The following ZNF860 variants were observed in gnomAD, a reference collection of about 807,000 sequenced individuals.
The protein encoded by ZNF860 is zinc finger protein 860.
For missense variants in ZNF860, 641 were observed against 759.2 expected (o/e 0.84, Z 1.83); for synonymous variants, 206 against 248.9 (o/e 0.83, Z 1.62).
intron 1 of ZNF860, among the ~76,000 whole-genome samples, chr3:31,982,408 G>A (rs1225320714): frequency 6.6e-6 from 1 of 152,040 alleles, no homozygotes; most frequent in African/African-American, 2.4e-5. Context: ...GGTGATCTCC[G>A]TCCAAAGGAT....
rs1370371278 is a variant in ZNF860 at position 31,990,314 on chromosome 3, CCATTGCAAAT to C, written c.1241_1250del (p.Ala414GlyfsTer26). 6.2e-7 allele frequency: 1 copy of C among 1,613,800 alleles called. No individual in the cohort carries two copies. The highest frequency in any genetic ancestry group is 1.3e-5 in the African/African-American group (1 of 74,826). On this transcript the variant is annotated frameshift_variant, in exon 2 of 2. Transcript: ENST00000360311. LOFTEE classifies it low-confidence loss of function (END_TRUNC). ...CACAAAGTCTTCAGTAATGCTACAA[CCATTGCAAAT>C]CATTGGAGAATCCATAATGAAGAGA... is the stretch of plus-strand genomic sequence containing the variant.
Position 31,989,880 on chromosome 3 carries a change from T to C in ZNF860, c.801T>C (p.Phe267=). 1 of 1,614,182 alleles carries C rather than the reference T, an allele frequency of 6.2e-7. No individual in the cohort carries two copies. The highest frequency in any genetic ancestry group is 8.5e-7 in the Non-Finnish European group (1 of 1,180,020). The change falls in exon 2 of 2, where the codon TTT becomes TTC. Residue 267 remains phenylalanine (F), a synonymous_variant. Coordinates refer to ENST00000360311, the MANE Select transcript of ZNF860 (RefSeq NM_001137674.3). ...QYKCDVCGKV[F]NQKRYLACHH... ...AATGTGATGTATGTGGCAAGGTCTTTAATCAGAAGCGATACCTTGCATGCC... is the reference window on the plus strand; with the variant it reads ...AATGTGATGTATGTGGCAAGGTCTTCAATCAGAAGCGATACCTTGCATGCC...
chr3:31,993,618 G>A (rs1253545250), downstream of ZNF860, among the ~76,000 whole-genome samples: 1 of 151,612 alleles, frequency 6.6e-6, no homozygotes, highest in Non-Finnish European at 1.5e-5. Context: ...TAGTCATTAG[G>A]GAAATACAAG....
chr3:31,990,604 C>T lies in ZNF860; in HGVS notation c.1525C>T (p.Pro509Ser), dbSNP rs1375021036. Residue 509 changes from proline (P) to serine (S), a missense_variant, in exon 2 of 2, where the codon CCT becomes TCT. Transcript: ENST00000360311. ...TAAGGCAATTCATACTGGAGAGAAA[C>T]CTTACAAGTGTAATGAATGTGGCAA... The part of the protein sequence containing the change: ...IHKAIHTGEK[P>S]YKCNECGKVF... 2 of 1,613,978 alleles carry T rather than the reference C, an allele frequency of 1.2e-6. No homozygotes were observed. Among genetic ancestry groups the T allele is most frequent in the African/African-American group, 2.7e-5 (2 of 74,918 alleles).
At chr3:32,000,236 TG>T in the ZNF860 span, among the ~76,000 whole-genome samples, 2 of 152,324 alleles carry the variant, frequency 1.3e-5, no homozygotes, top group South Asian at 4.1e-4. Context: ...ATGGTCATGC[TG>T]ACGTGACAGA....
chr3:31,994,598 G>A (rs574613109), downstream of ZNF860, among the ~76,000 whole-genome samples: 4 of 152,232 alleles, frequency 2.6e-5, no homozygotes, highest in Non-Finnish European at 5.9e-5. Context: ...GATCTTTTGG[G>A]TAGGTGTGCA....
Position 31,989,228 on chromosome 3 carries a change from G to A in ZNF860, c.149G>A (p.Arg50Lys), listed in dbSNP as rs1280052824. The A allele has an allele frequency of 1.2e-6, 2 of 1,614,036 alleles. No individual in the cohort carries two copies. Among genetic ancestry groups the A allele is most frequent in the African/African-American group, 2.7e-5 (2 of 74,894 alleles). The change falls in exon 2 of 2, where the codon AGG (arginine) becomes AAG (lysine). Residue 50 changes from arginine to lysine, a missense_variant. Transcript: ENST00000360311. ...CLDPTQRALY[R>K]AMMLENYRNL... ...GACCCTACGCAGAGGGCTTTATACA[G>A]GGCCATGATGTTGGAGAACTACAGG...
At position 31,989,979 on chromosome 3, in the gene ZNF860, C is replaced by A; in HGVS notation, c.900C>A (p.Asn300Lys). 1 of 1,614,032 alleles carries A rather than the reference C, an allele frequency of 6.2e-7. No individual in the cohort carries two copies. Among genetic ancestry groups the A allele is most frequent in the Non-Finnish European group, 8.5e-7 (1 of 1,179,974 alleles). The change falls in exon 2 of 2, where the codon AAC becomes AAA. Residue 300 changes from asparagine (N) to lysine (K), a missense_variant. By Grantham distance (94) the Asn-to-Lys change is moderately conservative. Transcript: ENST00000360311. ...GCAAGGTTTTTAATCAACAATCAAA[C>A]CTTGCAAGTCATCATAGACTTCATA... ...ECGKVFNQQS[N>K]LASHHRLHTG...
At chr3:31,982,644 T>C (rs1698873493) in intron 1 of ZNF860, among the ~76,000 whole-genome samples, 1 of 136,812 alleles carries the variant, frequency 7.3e-6, no homozygotes, top group South Asian at 2.8e-4. Context: ...GGTGCCTACA[T>C]AGTGTTAAAA....
At chr3:31,999,349 A>G in the ZNF860 span, among the ~76,000 whole-genome samples, 86 of 148,766 alleles carry the variant, frequency 5.8e-4, 1 homozygote, top group South Asian at 0.017. Context: ...TCAGATAAAA[A>G]TATCAAAATC....
chr3:31,990,350 G>A lies in ZNF860; in HGVS notation c.1271G>A (p.Arg424Lys). 3 of 1,613,852 alleles carry A rather than the reference G, an allele frequency of 1.9e-6. No individual in the cohort carries two copies. Among genetic ancestry groups the A allele is most frequent in the Non-Finnish European group, 2.5e-6 (3 of 1,179,942 alleles). Residue 424 changes from arginine to lysine, a missense_variant, in exon 2 of 2, where the codon AGA (arginine) becomes AAA (lysine). Transcript: ENST00000360311. ...CATTGGAGAATCCATAATGAAGAGA[G>A]ATCTTACAAGTGTAATAAATGTGGC... ...ANHWRIHNEE[R>K]SYKCNKCGKF...
chr3:31,983,574 G>C (rs113791786), intron 1 of ZNF860, among the ~76,000 whole-genome samples: 1 of 152,208 alleles, frequency 6.6e-6, no homozygotes, highest in Non-Finnish European at 1.5e-5. Context: ...GAGGTGAGTG[G>C]AGCAGATGTG....
At chr3:31,997,256 A>T in the ZNF860 span, among the ~76,000 whole-genome samples, 1 of 151,770 alleles carries the variant, frequency 6.6e-6, no homozygotes, top group African/African-American at 2.4e-5. Flanking sequence ...AGCATTTATG[A>T]ACATCATTCT....
the ZNF860 span, among the ~76,000 whole-genome samples, chr3:32,000,380 T>C: frequency 3.4e-4 from 51 of 152,156 alleles, no homozygotes; most frequent in African/African-American, 1.2e-3. Flanking sequence ...CTCCAACTGG[T>C]TTTGCTACTT....
At chr3:31,987,285 A>G (rs1391931585) in intron 1 of ZNF860, among the ~76,000 whole-genome samples, 2 of 152,220 alleles carry the variant, frequency 1.3e-5, no homozygotes, top group African/African-American at 2.4e-5. Flanking sequence ...AATTTCCTTT[A>G]GAGCTATATT....
In ZNF860 at chr3:31,989,270, A is replaced by G. The variant is rs750012168; in HGVS notation, c.191A>G (p.Asp64Gly). The G allele has an allele frequency of 1.9e-6, 3 of 1,614,198 alleles. No homozygotes were observed. Among genetic ancestry groups the G allele is most frequent in the Non-Finnish European group, 8.5e-7 (1 of 1,180,042 alleles). ...LENYRNLHSV[D>G]ISSKCMMKKF... is the part of the protein sequence containing the mutation. Reference sequence around the variant, plus strand: ...AACTACAGGAACCTGCATTCTGTGGATATCTCTTCCAAATGCATGATGAAG... The same window carrying G: ...AACTACAGGAACCTGCATTCTGTGGGTATCTCTTCCAAATGCATGATGAAG... The change falls in exon 2 of 2, where the codon GAT (aspartate) becomes GGT (glycine). Residue 64 changes from aspartate to glycine, a missense_variant. Transcript: ENST00000360311.
At position 31,991,044 on chromosome 3, in the gene ZNF860, T is replaced by C. The variant is rs1699021854; in HGVS notation, c.*66T>C. 4.3e-6 allele frequency: 6 copies of C among 1,409,744 alleles called. No homozygotes were observed. Among genetic ancestry groups the C allele is most frequent in the African/African-American group, 1.4e-5 (1 of 68,972 alleles). The allele number at this position is 1,409,744 out of a possible 1,614,324, so 87.3% of individuals were successfully genotyped here. A position where few individuals can be genotyped will look rare whatever the true frequency, so the allele number is the denominator to read the frequency against. ...ATAATTGTTCCAAATGCAATGAGTA[T>C]AGCAAACCATCAAGCATTAATTGAC... On this transcript the variant is annotated 3_prime_UTR_variant, in exon 2 of 2. Transcript: ENST00000360311.
downstream of ZNF860, among the ~76,000 whole-genome samples, chr3:31,996,360 C>A (rs976188): frequency 8.2e-3 from 1,243 of 152,142 alleles, 48 homozygotes; most frequent in East Asian, 0.15. Flanking sequence ...AACTCTCCCC[C>A]CCGTGCAAGG....
At chr3:31,999,907 C>T in the ZNF860 span, among the ~76,000 whole-genome samples, 2 of 152,176 alleles carry the variant, frequency 1.3e-5, no homozygotes, top group Admixed American at 1.3e-4. Context: ...TCATTCGATT[C>T]CCTTGCCCTT....
Sources: allele counts gnomAD v4.1 joint callset (sites outside exome capture counted in the v4.1 genomes callset), GRCh38; gene constraint gnomAD v4.1.1; transcripts MANE v1.5; gene names NCBI Gene and HGNC (gene_info 2026-07-23, HGNC 2026-07-21).